Variants in DLGAP2 observed in about 807,000 individuals in gnomAD.
DLGAP2 encodes disks large-associated protein 2.
In DLGAP2, 26 loss-of-function variants were observed where a neutral mutation model predicts 100.3. That is an observed-to-expected ratio of 0.26 (90% CI 0.19 to 0.36). The LOEUF (loss-of-function observed/expected upper bound fraction) is 0.36, where lower values mean the gene tolerates loss of function less well. Among genes scored for constraint, DLGAP2 ranks in the 10% least tolerant of loss-of-function variants. The pLI, the probability that DLGAP2 is intolerant of heterozygous loss-of-function variation, is 1.00. For missense variants in DLGAP2, 1,858 were observed against 1,453.2 expected (o/e 1.28, Z -4.53); for synonymous variants, 886 against 630.1 (o/e 1.41, Z -6.08).
At chr8:1,700,830 G>A (rs984121199) in intron 14 of DLGAP2, among the ~76,000 whole-genome samples, 5 of 152,240 alleles carry the variant, frequency 3.3e-5, no homozygotes, top group African/African-American at 1.2e-4. Context: ...GATGCTCGGA[G>A]ATGACACAGG....
In DLGAP2 at chr8:1,707,099, T is replaced by C. The variant is rs1799728836; in HGVS notation, c.*5693T>C. 6.5e-6 allele frequency: 1 copy of C among 152,688 alleles called. No individual in the cohort carries two copies. The highest frequency in any genetic ancestry group is 2.4e-5 in the African/African-American group (1 of 41,468). 9.5% of individuals were successfully genotyped at this position (152,688 alleles called of 1,614,324 possible). A position where few individuals can be genotyped will look rare whatever the true frequency, so the allele number is the denominator to read the frequency against. On this transcript the variant is annotated 3_prime_UTR_variant, in exon 15 of 15. Coordinates refer to ENST00000637795, the MANE Select transcript of DLGAP2 (RefSeq NM_001346810.2). ...AAACTACTTTTTAACAGATTTTGTA[T>C]ATACACACACAAGTTGACAGAGGTT...
At chr8:1,530,441 G>A (rs377339509) in intron 4 of DLGAP2, among the ~76,000 whole-genome samples, 22 of 152,052 alleles carry the variant, frequency 1.4e-4, no homozygotes, top group African/African-American at 5.3e-4. Flanking sequence ...TTTTTTCAGG[G>A]TGCCCACATT....
intron 1 of DLGAP2, among the ~76,000 whole-genome samples, chr8:748,836 T>C (rs1048251105): frequency 2.6e-5 from 4 of 152,216 alleles, no homozygotes; most frequent in South Asian, 2.1e-4. Context: ...TACTGCTTTG[T>C]TGTGCGGCGC....
intron 3 of DLGAP2, among the ~76,000 whole-genome samples, chr8:1,481,947 C>T (rs1799111841): frequency 1.3e-5 from 2 of 152,210 alleles, no homozygotes; most frequent in Admixed American, 1.3e-4. Context: ...CAGGGTCCCC[C>T]CGTGGAGAAG....
intron 3 of DLGAP2, among the ~76,000 whole-genome samples, chr8:1,320,556 T>C (rs1203541953): frequency 6.6e-6 from 1 of 152,200 alleles, no homozygotes; most frequent in Non-Finnish European, 1.5e-5. Context: ...TAACCACCCC[T>C]GTGCTTGAGC....
rs2130255568 is a variant in DLGAP2, at chr8:1,483,703, G to GGTGCAGAATGTGGGGACCAGGGAGGCAT, written c.107-17657_107-17656insAATGTGGGGACCAGGGAGGCATGTGCAG. On this transcript the variant is annotated intron_variant, in intron 3 of 14. Transcript: ENST00000637795. Reference sequence around the variant, plus strand: ...GCAGGAGGTGGGGACCAGGGAGGCAGGTGCAGGACGTGGGGACCAGGAAGG... The same window carrying GGTGCAGAATGTGGGGACCAGGGAGGCAT: ...GCAGGAGGTGGGGACCAGGGAGGCAGGTGCAGAATGTGGGGACCAGGGAGGCATGTGCAGGACGTGGGGACCAGGAAGG... Among the ~76,000 whole-genome samples, 3 of 151,238 alleles carry GGTGCAGAATGTGGGGACCAGGGAGGCAT rather than the reference G, an allele frequency of 2.0e-5. 1 individual carries two copies. The highest frequency in any genetic ancestry group is 4.2e-4 in the South Asian group (2 of 4,772).
intron 4 of DLGAP2, among the ~76,000 whole-genome samples, chr8:1,546,160 A>G (rs967124038): frequency 6.6e-6 from 1 of 152,216 alleles, no homozygotes; most frequent in Non-Finnish European, 1.5e-5. Context: ...AGAAAGGAAG[A>G]CGCCGCCGGC....
rs112609637 is a variant in DLGAP2 at position 1,047,624 on chromosome 8, A to T, written c.73+139658A>T. ...CCAAGATCAAGACACTGGCAGGGTC[A>T]GTGTCCAGCGACAGCCACTTCCTGG... On this transcript the variant is annotated intron_variant, in intron 2 of 14. Coordinates refer to ENST00000637795, the MANE Select transcript of DLGAP2 (RefSeq NM_001346810.2). Among the ~76,000 whole-genome samples the T allele has an allele frequency of 8.1e-3, 1,239 of 152,234 alleles. 18 individuals are homozygous for T. Among genetic ancestry groups the T allele is most frequent in the African/African-American group, 0.027 (1,125 of 41,554 alleles).
In DLGAP2 at chr8:1,079,552, G is replaced by A. The variant is rs182184330; in HGVS notation, c.73+171586G>A. Among the ~76,000 whole-genome samples, 478 of 152,208 alleles carry A rather than the reference G, an allele frequency of 3.1e-3. 10 individuals carry two copies. The South Asian group carries it at 0.047, about 15-fold the overall frequency. On this transcript the variant is annotated intron_variant, in intron 2 of 14. Transcript: ENST00000637795. ...CCCTTATTCTATGTTTTGTGGTTTCGTCATACAGCTATGCTCCCCAACAAA... is the reference window on the plus strand; with the variant it reads ...CCCTTATTCTATGTTTTGTGGTTTCATCATACAGCTATGCTCCCCAACAAA...
At chr8:1,114,587 C>G (rs1182757655) in intron 2 of DLGAP2, among the ~76,000 whole-genome samples, 2 of 151,606 alleles carry the variant, frequency 1.3e-5, no homozygotes, top group East Asian at 3.9e-4. Context: ...GGCCTCCTCT[C>G]TTTTCTTCTT....
intron 3 of DLGAP2, among the ~76,000 whole-genome samples, chr8:1,482,047 C>G (rs1430701735): frequency 6.6e-6 from 1 of 152,222 alleles, no homozygotes; most frequent in Non-Finnish European, 1.5e-5. Context: ...GATGTCTTCA[C>G]AGCAGGGCTG....
chr8:977,736 A>T (rs1406510958), intron 2 of DLGAP2, among the ~76,000 whole-genome samples: 3 of 144,394 alleles, frequency 2.1e-5, no homozygotes, highest in African/African-American at 5.0e-5. Context: ...GGCGTCGGGG[A>T]TGCAGTGAGG....
intron 2 of DLGAP2, among the ~76,000 whole-genome samples, chr8:1,060,064 G>T (rs983134995): frequency 1.3e-5 from 2 of 152,168 alleles, no homozygotes; most frequent in African/African-American, 4.8e-5. Flanking sequence ...TGAGTCTGGG[G>T]CTTCAAGTTC....
intron 2 of DLGAP2, among the ~76,000 whole-genome samples, chr8:960,687 A>G (rs1799705118): frequency 6.6e-6 from 1 of 152,226 alleles, no homozygotes; most frequent in South Asian, 2.1e-4. Flanking sequence ...GAAATTGGAC[A>G]TACATTTAAT....
chr8:1,182,813 A>C (rs1266845275), intron 2 of DLGAP2, among the ~76,000 whole-genome samples: 1 of 151,982 alleles, frequency 6.6e-6, no homozygotes, highest in Non-Finnish European at 1.5e-5. Context: ...CGGGTCGGCA[A>C]CTCTGGGCAG....
intron 1 of DLGAP2, among the ~76,000 whole-genome samples, chr8:871,088 G>C (rs949361829): frequency 8.5e-5 from 13 of 152,228 alleles, no homozygotes; most frequent in African/African-American, 3.1e-4. Flanking sequence ...TTTGACATCA[G>C]TCAGAGCCTG....
At chr8:1,457,076 T>A (rs1383218233) in intron 3 of DLGAP2, among the ~76,000 whole-genome samples, 1 of 152,218 alleles carries the variant, frequency 6.6e-6, no homozygotes, top group Non-Finnish European at 1.5e-5. Context: ...GTTCCCTCCG[T>A]GCCCCTAGTG....
At chr8:1,323,272 C>T (rs1317226102) in intron 3 of DLGAP2, among the ~76,000 whole-genome samples, 2 of 152,074 alleles carry the variant, frequency 1.3e-5, no homozygotes, top group Non-Finnish European at 2.9e-5. Flanking sequence ...TCAGGCAATC[C>T]ACCCGCCTCA....
At chr8:1,599,839 T>A (rs1215528408) in intron 6 of DLGAP2, among the ~76,000 whole-genome samples, 1 of 152,206 alleles carries the variant, frequency 6.6e-6, no homozygotes, top group Non-Finnish European at 1.5e-5. Context: ...TGCCAGTTTG[T>A]GTCTTTTAAC....
Sources: allele counts gnomAD v4.1 joint callset (sites outside exome capture counted in the v4.1 genomes callset), GRCh38; gene constraint gnomAD v4.1.1; transcripts MANE v1.5; gene names NCBI Gene and HGNC (gene_info 2026-07-23, HGNC 2026-07-21).